ARAP2: variants seen among roughly 807,000 people sequenced by gnomAD.
ARAP2 encodes the protein ArfGAP with RhoGAP domain, ankyrin repeat and PH domain 2.
ARAP2 carries 148 observed loss-of-function variants against 194.5 expected under a neutral mutation model. That is an observed-to-expected ratio of 0.76 (90% CI 0.67 to 0.87). ARAP2 has a LOEUF of 0.87. ARAP2 is among the 40% of genes least tolerant of loss of function. ARAP2 has a pLI of 0.00. For synonymous variants in ARAP2, 695 were observed against 683.5 expected (o/e 1.02, Z -0.26); for missense variants, 2,128 against 1,989.7 (o/e 1.07, Z -1.32).
At chr4:36,031,410 C>G (rs911457908) in intron 5 of ARAP2, among the ~76,000 whole-genome samples, 2 of 152,164 alleles carry the variant, frequency 1.3e-5, no homozygotes, top group Non-Finnish European at 2.9e-5. Flanking sequence ...TGAATTCACT[C>G]ACTCCTCTTT....
intron 5 of ARAP2, among the ~76,000 whole-genome samples, chr4:36,020,369 C>T (rs915658411): frequency 2.0e-5 from 3 of 152,164 alleles, no homozygotes; most frequent in Admixed American, 6.6e-5. Flanking sequence ...TGAGATTGTG[C>T]CATTGCACTC....
At chr4:36,196,975 G>T (rs1461690109) in intron 6 of ARAP2, among the ~76,000 whole-genome samples, 3 of 151,478 alleles carry the variant, frequency 2.0e-5, no homozygotes, top group Non-Finnish European at 4.4e-5. Flanking sequence ...ACTATGCATA[G>T]ATCATTTAGG....
At chr4:36,015,799 A>G (rs2109324161) in intron 7 of ARAP2, 1 of 152,212 alleles carries the variant, frequency 6.6e-6, no homozygotes, top group East Asian at 1.9e-4. Flanking sequence ...CATGTTTTCA[A>G]TCTCTATCCA....
At chr4:36,116,459 T>C (rs919584928) in intron 25 of ARAP2, among the ~76,000 whole-genome samples, 1 of 151,856 alleles carries the variant, frequency 6.6e-6, no homozygotes, top group East Asian at 1.9e-4. Context: ...ATGTCAAACA[T>C]CTATTTTTAA....
At chr4:36,142,438 A>G (rs569133595) in intron 19 of ARAP2, among the ~76,000 whole-genome samples, 1 of 151,224 alleles carries the variant, frequency 6.6e-6, no homozygotes, top group Non-Finnish European at 1.5e-5. Context: ...CTCCCTCCAG[A>G]TATCTTTGAC....
At chr4:36,098,921 T>C (rs1282176133) in intron 27 of ARAP2, among the ~76,000 whole-genome samples, 1 of 152,112 alleles carries the variant, frequency 6.6e-6, no homozygotes, top group Non-Finnish European at 1.5e-5. Flanking sequence ...GGGGTACATG[T>C]GCAGGATGTG....
intron 27 of ARAP2, among the ~76,000 whole-genome samples, chr4:36,096,362 C>CAAAAAAAAAAAAAAAAAA (rs10632831): frequency 1.2e-5 from 1 of 80,992 alleles, no homozygotes. Context: ...GAGACTCTCT[C>CAAAAAAAAAAAAAAAAAA]AAAAAAAAAA....
Position 36,067,393 on chromosome 4 carries a change from T to G in ARAP2, c.*514A>C, listed in dbSNP as rs993787277. 2.6e-5 allele frequency: 4 copies of G among 152,660 alleles called. No individual in the cohort carries two copies. The highest frequency in any genetic ancestry group is 9.6e-5 in the African/African-American group (4 of 41,452). The allele number at this position is 152,660 out of a possible 1,614,324, so 9.5% of individuals were successfully genotyped here. A position where few individuals can be genotyped will look rare whatever the true frequency, so the allele number is the denominator to read the frequency against. On this transcript the variant is annotated 3_prime_UTR_variant, in exon 33 of 33. Coordinates refer to ENST00000303965, the MANE Select transcript of ARAP2 (RefSeq NM_015230.4). ...TTGCTTCTTTTAAAAACTCCAGTGG[T>G]TTTTAGGCAGCCACTACAATAAATT...
At position 36,230,136 on chromosome 4, in the gene ARAP2, T is replaced by C. The variant is rs540359946; in HGVS notation, c.-159-491A>G. Among the ~76,000 whole-genome samples, 29 of 152,334 alleles carry C rather than the reference T, an allele frequency of 1.9e-4. 1 individual carries two copies. In the South Asian group the frequency reaches 4.3e-3, roughly 23 times the overall value. The stretch of plus-strand genomic sequence containing the variant: ...TCTACTGGACAAAAATCTATAAGCA[T>C]ACAGGTAACTTCTCAGTGTCTATGT... On this transcript the variant is annotated intron_variant, in intron 1 of 32. Coordinates refer to ENST00000303965, the MANE Select transcript of ARAP2 (RefSeq NM_015230.4).
At chr4:36,082,110 T>C (rs747194690) in intron 30 of ARAP2, 141 bp downstream of exon 30, 4 of 753,184 alleles carry the variant, frequency 5.3e-6, no homozygotes, top group Non-Finnish European at 6.5e-6. Context: ...CTTCTTAGGC[T>C]CAAAGTCTTT....
intron 27 of ARAP2, among the ~76,000 whole-genome samples, chr4:36,099,004 G>A (rs1442879948): frequency 1.3e-5 from 2 of 151,938 alleles, no homozygotes; most frequent in African/African-American, 4.8e-5. Flanking sequence ...AGGTATTAAT[G>A]TAAGTACCCA....
downstream of ARAP2, among the ~76,000 whole-genome samples, chr4:36,061,173 A>G (rs1247911342): frequency 6.6e-6 from 1 of 152,184 alleles, no homozygotes; most frequent in Non-Finnish European, 1.5e-5. Context: ...TTCATGAAAA[A>G]TGGGTTATCC....
intron 5 of ARAP2, among the ~76,000 whole-genome samples, chr4:36,019,464 T>C (rs1028783232): frequency 6.7e-6 from 1 of 149,174 alleles, no homozygotes; most frequent in Admixed American, 6.6e-5. Context: ...TTACAAACAA[T>C]TTTAGGAATT....
chr4:36,170,608 G>A (rs1193699226), intron 9 of ARAP2, among the ~76,000 whole-genome samples: 6 of 152,156 alleles, frequency 3.9e-5, no homozygotes, highest in Admixed American at 6.5e-5. Context: ...CTGCATTAAC[G>A]TCCAGAGGTG....
intron 21 of ARAP2, among the ~76,000 whole-genome samples, chr4:36,127,357 T>C (rs1182719086): frequency 2.0e-5 from 3 of 152,014 alleles, no homozygotes; most frequent in South Asian, 2.1e-4. Flanking sequence ...CCCTACTGAT[T>C]TGAGAAACAT....
chr4:36,186,791 G>A (rs371694668), intron 8 of ARAP2, among the ~76,000 whole-genome samples: 2 of 152,346 alleles, frequency 1.3e-5, no homozygotes, highest in African/African-American at 4.8e-5. Context: ...AGAGTCTAAT[G>A]CCTGACAATG....
In ARAP2 at chr4:36,150,902, A is replaced by C. The variant is rs1730813427; in HGVS notation, c.2895T>G (p.Thr965=). 2.5e-6 allele frequency: 4 copies of C among 1,611,404 alleles called. No individual in the cohort carries two copies. In the South Asian group the frequency reaches 4.4e-5, roughly 18 times the overall value. The change falls in exon 16 of 33, where the codon ACT becomes ACG. Residue 965 remains threonine (T), a splice_region_variant and synonymous_variant. Transcript: ENST00000303965. ...TAATTGTGTAATGACAGACCTACCC[A>C]GTATTTAAATAGAAGTCCTCTTTGT... ...AIHKEDFYLN[T]GPIFIFEIYL...
At position 36,216,397 on chromosome 4, in the gene ARAP2, A is replaced by G. The variant is rs562625082; in HGVS notation, c.906-1917T>C. On this transcript the variant is annotated intron_variant, in intron 2 of 32. Transcript: ENST00000303965. ...CAAGTGTTGGAAAATATGTGGAATA[A>G]TTAGAACATTTAAGTAATGCTGGCA... Among the ~76,000 whole-genome samples the G allele has an allele frequency of 3.9e-5, 6 of 152,386 alleles. No homozygotes were observed. In the East Asian group the frequency reaches 1.2e-3, roughly 29 times the overall value.
At position 36,159,415 on chromosome 4, in the gene ARAP2, G is replaced by A; in HGVS notation, c.2533C>T (p.Pro845Ser). 1.2e-6 allele frequency: 2 copies of A among 1,611,756 alleles called. No individual in the cohort carries two copies. The highest frequency in any genetic ancestry group is 2.2e-5 in the South Asian group (2 of 90,862). ...AGCAGATAGGGGGTGCTATGCACGG[G>A]GTCTCCGGTGGCACACATGACATCT... ...GADVMCATGD[P>S]VHSTPYLLAK... The change falls in exon 14 of 33, where the codon CCC (proline) becomes TCC (serine). Residue 845 changes from proline to serine, a missense_variant. Physicochemically the swap from Pro to Ser is moderately conservative, Grantham distance 74. Transcript: ENST00000303965.
Sources: gnomAD v4.1 joint callset for allele counts (sites outside exome capture counted in the v4.1 genomes callset) on GRCh38, gnomAD v4.1.1 for gene constraint, MANE v1.5 for transcripts, NCBI Gene and HGNC (gene_info 2026-07-23, HGNC 2026-07-21) for gene names.